Variants in RSRC1 observed in about 807,000 individuals in gnomAD.
RSRC1 encodes the protein arginine and serine rich coiled-coil 1.
Under a neutral mutation model 49.1 loss-of-function variants are expected in RSRC1, and 39 were observed. That is an observed-to-expected ratio of 0.79 (90% CI 0.61 to 1.04). The LOEUF is 1.04. Ranked by LOEUF, RSRC1 falls within the 50% of genes least tolerant of loss-of-function variation. RSRC1 has a pLI of 0.00. For missense variants in RSRC1, 388 were observed against 402.4 expected, an observed-to-expected ratio of 0.96 and a Z score of 0.31; for synonymous variants, 143 against 130.8, an observed-to-expected ratio of 1.09 and a Z score of -0.63.
chr3:158,227,170 C>A (rs888539186), intron 4 of RSRC1, among the ~76,000 whole-genome samples: 2 of 151,674 alleles, frequency 1.3e-5, no homozygotes, highest in Non-Finnish European at 2.9e-5. Context: ...GATGTTATTG[C>A]CCCTATTCAG....
At chr3:158,448,646 A>C (rs1304178424) in intron 6 of RSRC1, among the ~76,000 whole-genome samples, 1 of 151,972 alleles carries the variant, frequency 6.6e-6, no homozygotes, top group Non-Finnish European at 1.5e-5. Context: ...GATATACTGC[A>C]TACAGCTGAA....
chr3:158,485,325 G>T (rs1453076059), intron 7 of RSRC1, among the ~76,000 whole-genome samples: 2 of 151,802 alleles, frequency 1.3e-5, no homozygotes, highest in Non-Finnish European at 2.9e-5. Flanking sequence ...ATAAACATTG[G>T]AATCCCTTGG....
At chr3:158,266,461 G>C (rs956694253) in intron 4 of RSRC1, among the ~76,000 whole-genome samples, 5 of 152,086 alleles carry the variant, frequency 3.3e-5, no homozygotes, top group African/African-American at 1.2e-4. Context: ...TGCTTTGTAA[G>C]ACAGTCTTTT....
At chr3:158,410,642 C>T (rs943468968) in intron 6 of RSRC1, among the ~76,000 whole-genome samples, 3 of 152,126 alleles carry the variant, frequency 2.0e-5, no homozygotes, top group African/African-American at 7.2e-5. Context: ...ATCTAGCTAT[C>T]TAGCTGTCTA....
intron 4 of RSRC1, among the ~76,000 whole-genome samples, chr3:158,265,403 G>C (rs1249015861): frequency 6.6e-6 from 1 of 152,040 alleles, no homozygotes; most frequent in Non-Finnish European, 1.5e-5. Flanking sequence ...GGCCGAGGTG[G>C]GTGGATCACC....
At chr3:158,330,504 A>G (rs1729482295) in intron 5 of RSRC1, among the ~76,000 whole-genome samples, 1 of 152,164 alleles carries the variant, frequency 6.6e-6, no homozygotes, top group Non-Finnish European at 1.5e-5. Flanking sequence ...TCTGGATGGT[A>G]GGCAATTTTG....
intron 4 of RSRC1, among the ~76,000 whole-genome samples, chr3:158,205,218 G>A (rs1721280846): frequency 6.6e-6 from 1 of 152,162 alleles, no homozygotes; most frequent in Non-Finnish European, 1.5e-5. Flanking sequence ...GTGGGCCGTA[G>A]TAGAGGATAG....
chr3:158,166,449 G>T (rs1003682705), intron 3 of RSRC1, among the ~76,000 whole-genome samples: 2 of 152,092 alleles, frequency 1.3e-5, no homozygotes, highest in Non-Finnish European at 2.9e-5. Flanking sequence ...AGAAAACAGA[G>T]GTGAAGCAAA....
At chr3:158,531,687 T>C (rs1044358318) in intron 7 of RSRC1, among the ~76,000 whole-genome samples, 1 of 151,926 alleles carries the variant, frequency 6.6e-6, no homozygotes, top group African/African-American at 2.4e-5. Flanking sequence ...AAATTTGTTC[T>C]CGGTGATATT....
intron 4 of RSRC1, among the ~76,000 whole-genome samples, chr3:158,265,575 GA>G (rs1725124422): frequency 6.6e-6 from 1 of 151,770 alleles, no homozygotes; most frequent in Non-Finnish European, 1.5e-5. Flanking sequence ...AGGTTACAGT[GA>G]GCTGAGATCA....
chr3:158,216,236 G>A (rs941428758), intron 4 of RSRC1, among the ~76,000 whole-genome samples: 10 of 150,750 alleles, frequency 6.6e-5, no homozygotes, highest in African/African-American at 2.4e-4. Flanking sequence ...CTGGGTTTCT[G>A]GTTTTTAGCA....
intron 4 of RSRC1, among the ~76,000 whole-genome samples, chr3:158,267,818 G>T (rs944304996): frequency 1.7e-5 from 2 of 116,942 alleles, no homozygotes; most frequent in East Asian, 3.3e-4. Flanking sequence ...TTCACTAATA[G>T]TTTTGATTTA....
intron 6 of RSRC1, among the ~76,000 whole-genome samples, chr3:158,416,134 T>A (rs1377384406): frequency 6.6e-6 from 1 of 152,074 alleles, no homozygotes; most frequent in Non-Finnish European, 1.5e-5. Context: ...CCTATTGATA[T>A]TTTATATAAA....
chr3:158,452,680 G>A (rs1290182353), intron 6 of RSRC1, among the ~76,000 whole-genome samples: 2 of 152,130 alleles, frequency 1.3e-5, no homozygotes, highest in Non-Finnish European at 2.9e-5. Flanking sequence ...AATACATTTT[G>A]CTAGATGTTT....
intron 6 of RSRC1, among the ~76,000 whole-genome samples, chr3:158,376,844 T>C (rs1466134000): frequency 1.8e-5 from 2 of 112,856 alleles, no homozygotes; most frequent in Non-Finnish European, 3.8e-5. Context: ...CTCTATATGA[T>C]TTCAATTCTT....
chr3:158,126,048 AT>A (rs1469128358), intron 3 of RSRC1, among the ~76,000 whole-genome samples: 1 of 151,872 alleles, frequency 6.6e-6, no homozygotes, highest in African/African-American at 2.4e-5. Context: ...ATTTGTATGG[AT>A]TATCTTTTTC....
chr3:158,111,131 T>C (rs1227675852), intron 1 of RSRC1, among the ~76,000 whole-genome samples: 3 of 152,250 alleles, frequency 2.0e-5, no homozygotes, highest in Admixed American at 6.5e-5. Flanking sequence ...ATAAAAGTTC[T>C]AAGTGAAGGA....
Position 158,297,925 on chromosome 3 carries a change from A to G in RSRC1, c.495-114A>G. 5.3e-6 allele frequency: 4 copies of G among 748,258 alleles called. No homozygotes were observed. In the South Asian group the frequency reaches 6.6e-5, roughly 12 times the overall value. 46.4% of individuals were successfully genotyped at this position (748,258 alleles called of 1,614,324 possible). On this transcript the variant is annotated intron_variant, in intron 4 of 9. Transcript: ENST00000611884. ...TGTCCTTAAAAACAGTGTTATGAAC[A>G]TAAGTAAATACATATGAAAAAATTA... is the stretch of plus-strand genomic sequence containing the variant.
chr3:158,162,165 C>A (rs1166245646), intron 3 of RSRC1, among the ~76,000 whole-genome samples: 1 of 152,044 alleles, frequency 6.6e-6, no homozygotes, highest in East Asian at 1.9e-4. Context: ...AAACAGCTTT[C>A]TTTTTTGTTT....
Sources: gnomAD v4.1 joint callset for allele counts (sites outside exome capture counted in the v4.1 genomes callset) on GRCh38, gnomAD v4.1.1 for gene constraint, MANE v1.5 for transcripts, NCBI Gene and HGNC (gene_info 2026-07-23, HGNC 2026-07-21) for gene names.